The following CLTRN variants were observed in gnomAD, a reference collection of about 807,000 sequenced individuals.
CLTRN encodes the protein collectrin.
CLTRN carries 12 observed loss-of-function variants against 14.5 expected under a neutral mutation model. The observed-to-expected ratio is 0.83, with a 90% CI of 0.53 to 1.34. The LOEUF is 1.34. Ranked by LOEUF, CLTRN falls within the 40% of genes most tolerant of loss-of-function variation. The probability of loss-of-function intolerance (pLI) is 0.00; values close to 1 mark genes in which losing one functional copy is unlikely to be tolerated. For synonymous variants in CLTRN, 58 were observed against 56.5 expected (o/e 1.03, Z -0.12); for missense variants, 154 against 165.1 (o/e 0.93, Z 0.37).
rs186975761 is a variant in CLTRN, at chrX:15,641,891, G to A, written c.318-2135C>T. Among the ~76,000 whole-genome samples, 860 of 110,994 alleles carry A rather than the reference G, an allele frequency of 7.7e-3. 29 individuals carry two copies. Among genetic ancestry groups the A allele is most frequent in the Admixed American group, 0.071 (741 of 10,396 alleles). ...ATGGCTTGAGAATCTCTGCAGGCCA[G>A]CACCAGGCTATCAGGAAAGACCCCC... On this transcript the variant is annotated intron_variant, in intron 4 of 5. Coordinates refer to ENST00000380342, the MANE Select transcript of CLTRN (RefSeq NM_020665.6).
chrX:15,654,398 G>T (rs1929298706), intron 3 of CLTRN, among the ~76,000 whole-genome samples: 1 of 112,535 alleles, frequency 8.9e-6, no homozygotes, highest in African/African-American at 3.2e-5. Flanking sequence ...GTTGACCTGG[G>T]AATTAGACTA....
chrX:15,627,731 A>C lies in CLTRN; in HGVS notation c.*240T>G, dbSNP rs1380573170. 1 of 251,997 alleles carries C rather than the reference A, an allele frequency of 4.0e-6. No homozygotes were observed. The highest frequency in any genetic ancestry group is 7.0e-6 in the Non-Finnish European group (1 of 142,849). 20.8% of individuals were successfully genotyped at this position (251,997 alleles called of 1,213,427 possible). A position where few individuals can be genotyped will look rare whatever the true frequency, so the allele number is the denominator to read the frequency against. On this transcript the variant is annotated 3_prime_UTR_variant, in exon 6 of 6. Coordinates refer to ENST00000380342, the MANE Select transcript of CLTRN (RefSeq NM_020665.6). ...CAATAACTACAAATACCACATGACC[A>C]CATTTATACACTATACTGTCAGAAA...
intron 4 of CLTRN, among the ~76,000 whole-genome samples, chrX:15,640,088 A>G (rs1436760281): frequency 8.9e-6 from 1 of 111,760 alleles, no homozygotes; most frequent in Non-Finnish European, 1.9e-5. Context: ...CTCTGGAGGC[A>G]GGGCTCTAAC....
chrX:15,666,321 C>T (rs1255771016), upstream of CLTRN, among the ~76,000 whole-genome samples: 2 of 111,596 alleles, frequency 1.8e-5, no homozygotes, highest in African/African-American at 3.3e-5. Context: ...AATCTTTCCC[C>T]GGTGGGCATT....
At chrX:15,656,512 GAT>G (rs1298970698) in intron 3 of CLTRN, among the ~76,000 whole-genome samples, 1 of 111,451 alleles carries the variant, frequency 9.0e-6, no homozygotes, top group East Asian at 2.8e-4. Flanking sequence ...CCAAAACTTG[GAT>G]CCTGAAGCTA....
At chrX:15,649,514 C>T (rs1929167405) in intron 3 of CLTRN, among the ~76,000 whole-genome samples, 1 of 111,585 alleles carries the variant, frequency 9.0e-6, no homozygotes. Context: ...TACTACCTGC[C>T]AAATGGTGGT....
intron 1 of CLTRN, among the ~76,000 whole-genome samples, chrX:15,673,364 C>T (rs751249388): frequency 1.8e-5 from 2 of 112,108 alleles, no homozygotes; most frequent in South Asian, 7.3e-4. Flanking sequence ...ATTTATTCTC[C>T]CTCCATGAAT....
intron 3 of CLTRN, among the ~76,000 whole-genome samples, chrX:15,645,889 A>C (rs1929053381): frequency 8.8e-6 from 1 of 113,119 alleles, no homozygotes; most frequent in African/African-American, 3.2e-5. Flanking sequence ...ATTAACATCC[A>C]TCCTAGAAGA....
intron 3 of CLTRN, among the ~76,000 whole-genome samples, chrX:15,654,229 C>G (rs183775784): frequency 1.2e-3 from 138 of 112,625 alleles, no homozygotes; most frequent in African/African-American, 4.3e-3. Flanking sequence ...CAAGACTTAT[C>G]CTTGAATAAT....
At chrX:15,646,462 A>ACCCCCCCCCCCCCCCCC (rs111413791) in intron 3 of CLTRN, 10 of 177,545 alleles carry the variant, frequency 5.6e-5, no homozygotes, top group Non-Finnish European at 8.1e-5. Context: ...CCGCGCACCC[A>ACCCCCCCCCCCCCCCCC]CCCCCCCGCC....
At chrX:15,638,229 C>T (rs1437950939) in intron 5 of CLTRN, among the ~76,000 whole-genome samples, 1 of 112,174 alleles carries the variant, frequency 8.9e-6, no homozygotes, top group Non-Finnish European at 1.9e-5. Flanking sequence ...ACATCTTGTA[C>T]CAAGTCTCTT....
intron 3 of CLTRN, chrX:15,646,456 GCAC>G: frequency 1.0e-5 from 3 of 286,238 alleles, no homozygotes; most frequent in Non-Finnish European, 1.3e-5. Context: ...AGAAAACCGC[GCAC>G]CCACCCCCCC....
chrX:15,636,139 G>A (rs1369728284), intron 5 of CLTRN, among the ~76,000 whole-genome samples: 1 of 112,023 alleles, frequency 8.9e-6, no homozygotes, highest in African/African-American at 3.2e-5. Context: ...AAACAGTATG[G>A]AAGTTCCTCA....
intron 3 of CLTRN, among the ~76,000 whole-genome samples, chrX:15,656,783 T>C (rs1399077495): frequency 9.0e-6 from 1 of 110,692 alleles, no homozygotes. Flanking sequence ...CACATCTCGC[T>C]CGCCAATTCA....
At chrX:15,663,116 G>A (rs1248553713) in intron 2 of CLTRN, among the ~76,000 whole-genome samples, 3 of 111,926 alleles carry the variant, frequency 2.7e-5, no homozygotes, top group Non-Finnish European at 1.9e-5. Flanking sequence ...TGACAAAGCC[G>A]AAGTGCCCTT....
intron 5 of CLTRN, among the ~76,000 whole-genome samples, chrX:15,630,369 AAGGAAGGAAGGAAGGAAGGAAGGAAG>A (rs1928665312): frequency 1.9e-5 from 2 of 105,421 alleles, no homozygotes; most frequent in African/African-American, 3.5e-5. Flanking sequence ...AGAAAGAAGG[AAGGAAGGAAGGAAGGAAGGAAGGAAG>A]GAAGGAAGGA....
At chrX:15,645,558 G>A (rs1040758979) in intron 3 of CLTRN, among the ~76,000 whole-genome samples, 1 of 112,012 alleles carries the variant, frequency 8.9e-6, no homozygotes, top group Non-Finnish European at 1.9e-5. Flanking sequence ...TGAAGAAAAA[G>A]TTCTCAAAAA....
chrX:15,646,841 C>T (rs1296280113), intron 3 of CLTRN: 4 of 316,257 alleles, frequency 1.3e-5, no homozygotes, highest in East Asian at 2.0e-4. Context: ...AAAATCGCCC[C>T]GCCCGAGCGC....
intron 2 of CLTRN, among the ~76,000 whole-genome samples, chrX:15,664,021 A>G (rs935705207): frequency 7.1e-5 from 8 of 112,051 alleles, no homozygotes; most frequent in Non-Finnish European, 1.5e-4. Flanking sequence ...GAGTAGACCC[A>G]GTCCAGACCT....
Sources: allele counts gnomAD v4.1 joint callset (sites outside exome capture counted in the v4.1 genomes callset), GRCh38; gene constraint gnomAD v4.1.1; transcripts MANE v1.5; gene names NCBI Gene and HGNC (gene_info 2026-07-23, HGNC 2026-07-21).